The following HAO2 variants were observed in gnomAD, a reference collection of about 807,000 sequenced individuals.
The protein encoded by HAO2 is hydroxyacid oxidase 2.
HAO2 carries 42 observed loss-of-function variants against 37.4 expected under a neutral mutation model. The ratio of observed to expected loss-of-function variants is 1.12; its 90% CI spans 0.88 to 1.45. The LOEUF (loss-of-function observed/expected upper bound fraction) is 1.45, where lower values mean the gene tolerates loss of function less well. Among genes scored for constraint, HAO2 ranks in the 40% most tolerant of loss-of-function variants. HAO2 has a pLI of 0.00. For missense variants in HAO2, 476 were observed against 430.2 expected, an observed-to-expected ratio of 1.11 and a Z score of -0.94; for synonymous variants, 180 against 162.8, an observed-to-expected ratio of 1.11 and a Z score of -0.81.
In HAO2 at chr1:119,385,064, T is replaced by C. The variant is rs1165824830; in HGVS notation, c.561+11T>C. 2 of 1,600,118 alleles carry C rather than the reference T, an allele frequency of 1.2e-6. No individual in the cohort carries two copies. Among genetic ancestry groups the C allele is most frequent in the East Asian group, 2.3e-5 (1 of 44,390 alleles). On this transcript the variant is annotated intron_variant, in intron 4 of 7. Coordinates refer to ENST00000325945, the MANE Select transcript of HAO2 (RefSeq NM_016527.4). ...CAATCACCTAAAAAGGTAAGAAAGA[T>C]ACCAAATTCGATGGACAGGCATTAC... is the stretch of plus-strand genomic sequence containing the variant.
At chr1:119,387,700 A>C (rs587653653) in intron 5 of HAO2, among the ~76,000 whole-genome samples, 1 of 152,114 alleles carries the variant, frequency 6.6e-6, no homozygotes, top group Non-Finnish European at 1.5e-5. Flanking sequence ...TTTTTGTTTC[A>C]GTATATATGC....
chr1:119,379,612 G>A (rs1649755560), intron 1 of HAO2, among the ~76,000 whole-genome samples: 1 of 152,166 alleles, frequency 6.6e-6, no homozygotes, highest in Non-Finnish European at 1.5e-5. Context: ...TAATTTGTCA[G>A]ACTCAACTCC....
rs768206836 is a variant in HAO2, at chr1:119,392,252, G to A, written c.914G>A (p.Trp305Ter). The part of the protein sequence containing the change: ...KCIFLGRPIL[W>*]GLACKGEHGV... The stretch of plus-strand genomic sequence containing the variant: ...ATTTTTCTTGGGAGACCAATCCTAT[G>A]GGGCCTTGCCTGCAAGGTGAGAGTG... Residue 305 changes from tryptophan (W) to a stop codon, truncating the protein, a stop_gained, in exon 6 of 8, where the codon TGG becomes TAG. Coordinates refer to ENST00000325945, the MANE Select transcript of HAO2 (RefSeq NM_016527.4). LOFTEE classifies it high-confidence loss of function. 11 of 1,612,130 alleles carry A rather than the reference G, an allele frequency of 6.8e-6. No individual in the cohort carries two copies. The African/African-American group carries it at 1.2e-4, about 18-fold the overall frequency.
chr1:119,381,056 G>T (rs766405401), intron 1 of HAO2, 22 bp from the exon 2 acceptor site: 62 of 1,609,496 alleles, frequency 3.9e-5, no homozygotes, highest in Non-Finnish European at 5.2e-5. Context: ...GGTTTGGTTT[G>T]GTTTTGTTTT....
Position 119,384,870 on chromosome 1 carries a change from G to C in HAO2, c.378G>C (p.Trp126Cys), listed in dbSNP as rs1051245974. The C allele has an allele frequency of 6.8e-6, 11 of 1,613,770 alleles. No homozygotes were observed. Among genetic ancestry groups the C allele is most frequent in the Non-Finnish European group, 8.5e-6 (10 of 1,179,808 alleles). ...IVIAAPEGLR[W>C]FQLYVHPDLQ... ...TTGCAGCTCCCGAAGGCCTCCGATG[G>C]TTCCAACTCTATGTGCATCCAGACC... The change falls in exon 4 of 8, where the codon TGG becomes TGC. Residue 126 changes from tryptophan (W) to cysteine (C), a missense_variant. Transcript: ENST00000325945.
At position 119,383,059 on chromosome 1, in the gene HAO2, A is replaced by C. The variant is rs587685845; in HGVS notation, c.276A>C (p.Thr92=). Residue 92 remains threonine, a synonymous_variant, in exon 3 of 8, where the codon ACA becomes ACC. Transcript: ENST00000325945. The part of the protein sequence containing the change: ...CLVWPDGEMS[T]ARAAQAAGIC... ...TCTGGCCTGATGGGGAAATGAGCAC[A>C]GCAAGAGGTATGAACCATCCCCACC... The C allele has an allele frequency of 6.2e-7, 1 of 1,611,734 alleles. No individual in the cohort carries two copies. The highest frequency in any genetic ancestry group is 1.1e-5 in the South Asian group (1 of 90,576).
chr1:119,385,450 C>T (rs1650301278), intron 4 of HAO2: 3 of 796,548 alleles, frequency 3.8e-6, no homozygotes, highest in Admixed American at 6.2e-5. Context: ...CATAGACAAA[C>T]TGACTCTCCA....
intron 4 of HAO2, chr1:119,385,497 G>A (rs963098683): frequency 7.7e-6 from 6 of 777,732 alleles, no homozygotes; most frequent in African/African-American, 1.9e-5. Flanking sequence ...TGGCCAGACA[G>A]TCTAGACAGG....
chr1:119,393,670 A>G, intron 7 of HAO2, 115 bp from the exon 8 acceptor site: 1 of 833,578 alleles, frequency 1.2e-6, no homozygotes, highest in Admixed American at 1.7e-5. Context: ...ACCATTTTAT[A>G]AGAGTGAGCA....
At chr1:119,377,687 A>G (rs890930772) in intron 1 of HAO2, among the ~76,000 whole-genome samples, 2 of 152,238 alleles carry the variant, frequency 1.3e-5, no homozygotes, top group Non-Finnish European at 2.9e-5. Flanking sequence ...AGGCCTCACA[A>G]TCATGGTGAA....
At chr1:119,369,989 A>T (rs1648847373) in intron 1 of HAO2, 1 of 152,098 alleles carries the variant, frequency 6.6e-6, no homozygotes, top group Non-Finnish European at 1.5e-5. Context: ...ATAACACATA[A>T]ATATTTATTT....
At chr1:119,390,144 C>T (rs587718182) in intron 5 of HAO2, among the ~76,000 whole-genome samples, 8 of 152,276 alleles carry the variant, frequency 5.3e-5, no homozygotes, top group African/African-American at 1.9e-4. Context: ...TCCATTGGTC[C>T]ATGTGCCTAT....
intron 5 of HAO2, among the ~76,000 whole-genome samples, chr1:119,388,496 T>C (rs1424347548): frequency 2.0e-5 from 3 of 152,280 alleles, no homozygotes; most frequent in African/African-American, 7.2e-5. Flanking sequence ...ATTTCTCCTA[T>C]CTTATTGTGC....
At chr1:119,380,696 G>A (rs749821293) in intron 1 of HAO2, 21 of 1,603,914 alleles carry the variant, frequency 1.3e-5, no homozygotes, top group Non-Finnish European at 1.7e-5. Flanking sequence ...GAAGCTGATG[G>A]AAGACAAGAT....
intron 1 of HAO2, among the ~76,000 whole-genome samples, chr1:119,371,759 A>T (rs1649036731): frequency 6.6e-6 from 1 of 152,254 alleles, no homozygotes. Flanking sequence ...CAATTTACAC[A>T]GTGCATGGTA....
chr1:119,386,711 G>A lies in HAO2; in HGVS notation c.651G>A (p.Leu217=). 6.2e-7 allele frequency: 1 copy of A among 1,612,794 alleles called. No homozygotes were observed. Among genetic ancestry groups the A allele is most frequent in the Non-Finnish European group, 8.5e-7 (1 of 1,178,816 alleles). Reference sequence around the variant, plus strand: ...CCTGGTTTCAGAGCATAACTCGATTGCCCATCATCCTGAAAGGGATTTTGA... The same window carrying A: ...CCTGGTTTCAGAGCATAACTCGATTACCCATCATCCTGAAAGGGATTTTGA... ...DLSWFQSITR[L]PIILKGILTK... The change falls in exon 5 of 8, where the codon TTG becomes TTA. Residue 217 remains leucine, a synonymous_variant. Coordinates refer to ENST00000325945, the MANE Select transcript of HAO2 (RefSeq NM_016527.4).
chr1:119,380,968 G>T, intron 1 of HAO2, 110 bp from the exon 2 acceptor site: 1 of 908,946 alleles, frequency 1.1e-6, no homozygotes, highest in South Asian at 1.5e-5. Context: ...AATACAGGGA[G>T]ACCAATGTTG....
chr1:119,386,612 T>C lies in HAO2; in HGVS notation c.562-10T>C. ...AGCTCAGGACTAAGTTCCCTTTTTATTTCCTATAGGGAAATGCAATACCTT... is the reference window on the plus strand; with the variant it reads ...AGCTCAGGACTAAGTTCCCTTTTTACTTCCTATAGGGAAATGCAATACCTT... On this transcript the variant is annotated splice_polypyrimidine_tract_variant and intron_variant, in intron 4 of 7. Transcript: ENST00000325945. 6.4e-7 allele frequency: 1 copy of C among 1,564,364 alleles called. No homozygotes were observed. The highest frequency in any genetic ancestry group is 8.8e-7 in the Non-Finnish European group (1 of 1,134,976).
At chr1:119,392,561 T>TAAA in intron 6 of HAO2, 57 bp from the exon 7 acceptor site, 1 of 1,093,510 alleles carries the variant, frequency 9.1e-7, no homozygotes, top group African/African-American at 1.5e-5. Context: ...TACTAGTGGA[T>TAAA]GGTCAGAATG....
Sources: allele counts gnomAD v4.1 joint callset (sites outside exome capture counted in the v4.1 genomes callset), GRCh38; gene constraint gnomAD v4.1.1; transcripts MANE v1.5; gene names NCBI Gene and HGNC (gene_info 2026-07-23, HGNC 2026-07-21).